Variants in FLI1 observed in about 807,000 individuals in gnomAD.
The protein encoded by FLI1 is Fli-1 proto-oncogene, ETS transcription factor, also known as Friend leukemia integration 1 transcription factor.
In FLI1, 13 loss-of-function variants were observed where a neutral mutation model predicts 53.1. That is an observed-to-expected ratio of 0.24 (90% CI 0.16 to 0.39). FLI1 has a LOEUF of 0.39. Among genes scored for constraint, FLI1 ranks in the 10% least tolerant of loss-of-function variants. The pLI is 1.00. For missense variants in FLI1, 424 were observed against 600.5 expected, an observed-to-expected ratio of 0.71 and a Z score of 3.07; for synonymous variants, 244 against 236.7, an observed-to-expected ratio of 1.03 and a Z score of -0.28.
Position 128,768,107 on chromosome 11 carries a change from TCTC to T in FLI1, c.231-10_231-8del. 6.2e-7 allele frequency: 1 copy of T among 1,603,832 alleles called. No homozygotes were observed. The highest frequency in any genetic ancestry group is 1.3e-5 in the African/African-American group (1 of 74,770). On this transcript the variant is annotated splice_region_variant and splice_polypyrimidine_tract_variant and intron_variant, in intron 2 of 8. Transcript: ENST00000527786. The stretch of plus-strand genomic sequence containing the variant: ...CTGACCGCCTCTGGGCTTTGTCTCT[TCTC>T]ACTTTAGGGAGTCTCCGGTGGACTG...
upstream of FLI1, among the ~76,000 whole-genome samples, chr11:128,689,370 G>A (rs1937648601): frequency 1.3e-5 from 2 of 152,104 alleles, no homozygotes; most frequent in South Asian, 4.1e-4. Flanking sequence ...CAACACCCCC[G>A]CAGGACTGGC....
chr11:128,764,928 C>A, intron 2 of FLI1: 2 of 1,236,602 alleles, frequency 1.6e-6, no homozygotes, highest in Non-Finnish European at 1.1e-6. Flanking sequence ...CACCCGCCTG[C>A]AGGTCCTAGT....
In FLI1 at chr11:128,771,385, C is replaced by G. The variant is rs192607347; in HGVS notation, c.386-1397C>G. On this transcript the variant is annotated intron_variant, in intron 3 of 8. Transcript: ENST00000527786. ...TACAAAGCAGACTACTCGGGCCCTG[C>G]CACCCAGATTCTCACACATAAAAAC... 1.2e-4 allele frequency among the ~76,000 whole-genome samples: 18 copies of G among 152,330 alleles called. No individual in the cohort carries two copies. The East Asian group carries it at 2.9e-3, about 24-fold the overall frequency.
upstream of FLI1, chr11:128,693,798 A>C (rs950986054): frequency 3.1e-5 from 7 of 225,578 alleles, no homozygotes; most frequent in African/African-American, 1.4e-4. Flanking sequence ...TGCGCAGCGC[A>C]TGAATGTGTC....
intron 5 of FLI1, among the ~76,000 whole-genome samples, chr11:128,792,037 C>T (rs1942290535): frequency 6.6e-6 from 1 of 152,236 alleles, no homozygotes; most frequent in Non-Finnish European, 1.5e-5. Flanking sequence ...ATTTGTTAAG[C>T]ACCTACTATG....
At position 128,772,717 on chromosome 11, in the gene FLI1, G is replaced by A. The variant is rs76655082; in HGVS notation, c.386-65G>A. 4.9e-4 allele frequency: 652 copies of A among 1,329,726 alleles called. 5 individuals carry two copies. In the East Asian group the frequency reaches 0.013, roughly 27 times the overall value. The allele number at this position is 1,329,726 out of a possible 1,614,324, so 82.4% of individuals were successfully genotyped here. ...AGAGGGACAAGGGGTGAGGGAGGCT[G>A]CCTAGGCTCTCAGGGAGCCTCTACC... On this transcript the variant is annotated intron_variant, in intron 3 of 8. Coordinates refer to ENST00000527786, the MANE Select transcript of FLI1 (RefSeq NM_002017.5).
chr11:128,721,947 A>G (rs1038409490), intron 1 of FLI1, among the ~76,000 whole-genome samples: 2 of 152,158 alleles, frequency 1.3e-5, no homozygotes, highest in Non-Finnish European at 2.9e-5. Context: ...CTAAGTGGCT[A>G]GAGTCAGAGG....
At chr11:128,710,691 A>C (rs1418519515) in intron 1 of FLI1, among the ~76,000 whole-genome samples, 1 of 152,232 alleles carries the variant, frequency 6.6e-6, no homozygotes, top group East Asian at 1.9e-4. Flanking sequence ...TATCTTTGTG[A>C]TGTTGGATTG....
At chr11:128,775,718 G>A (rs116218878) in intron 4 of FLI1, among the ~76,000 whole-genome samples, 168 of 152,360 alleles carry the variant, frequency 1.1e-3, no homozygotes, top group African/African-American at 3.8e-3. Context: ...AGTGCTTGTG[G>A]AGAGTTTGAG....
chr11:128,707,634 A>T (rs1447933789), intron 1 of FLI1, among the ~76,000 whole-genome samples: 1 of 152,140 alleles, frequency 6.6e-6, no homozygotes, highest in East Asian at 1.9e-4. Flanking sequence ...TAAAGGAATT[A>T]CCATGGCTCC....
intron 1 of FLI1, among the ~76,000 whole-genome samples, chr11:128,738,188 A>T (rs1377081352): frequency 6.6e-6 from 1 of 152,138 alleles, no homozygotes; most frequent in Non-Finnish European, 1.5e-5. Context: ...TATTTTATAG[A>T]AGAAAATACT....
At chr11:128,723,170 T>C (rs886165316) in intron 1 of FLI1, among the ~76,000 whole-genome samples, 1 of 152,156 alleles carries the variant, frequency 6.6e-6, no homozygotes, top group African/African-American at 2.4e-5. Context: ...CATTGTCCGT[T>C]AGGATTTAAT....
chr11:128,783,238 T>C (rs935406382), intron 5 of FLI1, among the ~76,000 whole-genome samples: 12 of 152,248 alleles, frequency 7.9e-5, no homozygotes, highest in Non-Finnish European at 1.8e-4. Flanking sequence ...ACCATTTGGC[T>C]TAAAATCCGC....
chr11:128,772,617 C>T (rs966447817), intron 3 of FLI1, among the ~76,000 whole-genome samples, 165 bp from the exon 4 acceptor site: 2 of 152,154 alleles, frequency 1.3e-5, no homozygotes, highest in Non-Finnish European at 2.9e-5. Flanking sequence ...GCGCCAGATG[C>T]CATGGAGCCT....
chr11:128,782,104 A>C, intron 5 of FLI1, 81 bp downstream of exon 5: 1 of 1,273,972 alleles, frequency 7.8e-7, no homozygotes, highest in Non-Finnish European at 1.1e-6. Context: ...GTTGTTGCAG[A>C]AAACCAGCTT....
intron 3 of FLI1, among the ~76,000 whole-genome samples, chr11:128,771,524 C>T (rs989193336): frequency 6.6e-6 from 1 of 152,228 alleles, no homozygotes; most frequent in Non-Finnish European, 1.5e-5. Flanking sequence ...TGCCCCACAT[C>T]CACTCCTAGT....
intron 5 of FLI1, among the ~76,000 whole-genome samples, chr11:128,797,510 C>T (rs1379263089): frequency 2.0e-5 from 3 of 152,214 alleles, no homozygotes; most frequent in Non-Finnish European, 4.4e-5. Flanking sequence ...GACCTCCCAT[C>T]CCTGCACTGC....
In FLI1 at chr11:128,810,599, C is replaced by G; in HGVS notation, c.970C>G (p.Arg324Gly). 1 of 1,613,686 alleles carries G rather than the reference C, an allele frequency of 6.2e-7. No individual in the cohort carries two copies. ...PDEVARRWGE[R>G]KSKPNMNYDK... ...TGAGGTGGCCAGGCGCTGGGGCGAG[C>G]GGAAAAGCAAGCCCAACATGAATTA... The change falls in exon 9 of 9, where the codon CGG (arginine) becomes GGG (glycine). Residue 324 changes from arginine (R) to glycine (G), a missense_variant. Around this residue, in one of 5 missense-constraint regions of FLI1, gnomAD observed 71 missense variants for 174.2 expected, o/e 0.41. Transcript: ENST00000527786. This position sits in a 1 kb window ranked among gnomAD's most constrained non-coding sequence, Gnocchi z 6.6.
intron 1 of FLI1, among the ~76,000 whole-genome samples, chr11:128,757,094 TTCTTTCTTTC>T (rs1424662990): frequency 2.2e-5 from 3 of 135,104 alleles, no homozygotes; most frequent in Non-Finnish European, 3.1e-5. Flanking sequence ...CTTTCTTTCT[TTCTTTCTTTC>T]TTTCTTTCTC....
Sources: allele counts gnomAD v4.1 joint callset (sites outside exome capture counted in the v4.1 genomes callset), GRCh38; gene constraint gnomAD v4.1.1; regional missense constraint gnomAD v4.1.1; non-coding constraint Gnocchi (gnomAD v3.1); transcripts MANE v1.5; gene names NCBI Gene and HGNC (gene_info 2026-07-23, HGNC 2026-07-21).